Variants in CACNA1B observed in about 807,000 individuals in gnomAD.
CACNA1B encodes the protein calcium voltage-gated channel subunit alpha1 B.
A neutral mutation model predicts 247.2 loss-of-function variants in CACNA1B; 70 were observed. The ratio of observed to expected loss-of-function variants is 0.28; its 90% CI spans 0.23 to 0.35. The LOEUF is 0.35. Among genes scored for constraint, CACNA1B ranks in the 10% least tolerant of loss-of-function variants. CACNA1B has a pLI of 1.00. For synonymous variants in CACNA1B, 1,231 were observed against 1,294.4 expected, an observed-to-expected ratio of 0.95 and a Z score of 1.05; for missense variants, 2,367 against 3,197.4, an observed-to-expected ratio of 0.74 and a Z score of 6.26.
chr9:138,080,426 T>C (rs1412687647), intron 36 of CACNA1B, among the ~76,000 whole-genome samples: 1 of 152,120 alleles, frequency 6.6e-6, no homozygotes. Context: ...TCGGTAAACA[T>C]CATTGCCGTC....
At chr9:138,055,020 A>G (rs1016320435) in intron 26 of CACNA1B, among the ~76,000 whole-genome samples, 2 of 152,144 alleles carry the variant, frequency 1.3e-5, no homozygotes, top group African/African-American at 2.4e-5. Flanking sequence ...TGTTCTGGAC[A>G]GGAACCCTTT....
chr9:138,110,468 C>T (rs1233803839), intron 39 of CACNA1B, among the ~76,000 whole-genome samples: 1 of 152,014 alleles, frequency 6.6e-6, no homozygotes, highest in Non-Finnish European at 1.5e-5. Flanking sequence ...ACCTGCAATC[C>T]CAGCTTTGAT....
At chr9:137,897,439 G>A (rs1957185048) in intron 3 of CACNA1B, among the ~76,000 whole-genome samples, 1 of 151,956 alleles carries the variant, frequency 6.6e-6, no homozygotes. Context: ...AATTAGCCAG[G>A]CGTGGTGACG....
intron 39 of CACNA1B, among the ~76,000 whole-genome samples, chr9:138,110,754 T>A (rs940582323): frequency 6.6e-6 from 1 of 151,894 alleles, no homozygotes; most frequent in African/African-American, 2.4e-5. Context: ...AAAACCAGAA[T>A]GAAAAGACAA....
rs957894543 is a variant in CACNA1B, at chr9:137,952,467, C to A, written c.1070+90C>A. 1 of 1,095,446 alleles carries A rather than the reference C, an allele frequency of 9.1e-7. No individual in the cohort carries two copies. The highest frequency in any genetic ancestry group is 1.4e-6 in the Non-Finnish European group (1 of 721,314). The allele number at this position is 1,095,446 out of a possible 1,614,324, so 67.9% of individuals were successfully genotyped here. A position where few individuals can be genotyped will look rare whatever the true frequency, so the allele number is the denominator to read the frequency against. The stretch of plus-strand genomic sequence containing the variant: ...GCACGTGTGACACTTGGGGTGGGGG[C>A]CTGGCCCATGGGTGCCCTCTGTGGT... On this transcript the variant is annotated intron_variant, in intron 7 of 46. Coordinates refer to ENST00000371372, the MANE Select transcript of CACNA1B (RefSeq NM_000718.4). The surrounding 1 kb of genome is among the most constrained non-coding windows in gnomAD (Gnocchi z 4.8).
rs2133368979 is a variant in CACNA1B, at chr9:137,974,339, A to G, written c.1544-1568A>G. ...GGGGGCTCTCGGCTTCTCCAGGGAC[A>G]CTGCTTGGCCTTGTTATCATCCCAT... On this transcript the variant is annotated intron_variant, in intron 11 of 46. Coordinates refer to ENST00000371372, the MANE Select transcript of CACNA1B (RefSeq NM_000718.4). This position sits in a 1 kb window ranked among gnomAD's most constrained non-coding sequence, Gnocchi z 4.5. 6.6e-6 allele frequency among the ~76,000 whole-genome samples: 1 copy of G among 152,222 alleles called. No homozygotes were observed. The highest frequency in any genetic ancestry group is 6.5e-5 in the Admixed American group (1 of 15,294).
At chr9:137,892,173 A>G (rs899628775) in intron 3 of CACNA1B, 7 of 456,686 alleles carry the variant, frequency 1.5e-5, no homozygotes, top group Non-Finnish European at 2.6e-5. Flanking sequence ...ACGACTGGAC[A>G]CTGGTCTGCT....
chr9:137,926,157 C>A lies in CACNA1B; in HGVS notation c.966+8726C>A, dbSNP rs150690127. Among the ~76,000 whole-genome samples the A allele has an allele frequency of 5.7e-3, 861 of 149,886 alleles. 10 individuals are homozygous for A. Among genetic ancestry groups the A allele is most frequent in the Non-Finnish European group, 8.3e-3 (560 of 67,690 alleles). On this transcript the variant is annotated intron_variant, in intron 6 of 46. Coordinates refer to ENST00000371372, the MANE Select transcript of CACNA1B (RefSeq NM_000718.4). ...TATCTTGGCTCACTTGCAAGCTCTG[C>A]CCCCTGGATTCAAGCGATTCTCCTG...
Position 138,121,441 on chromosome 9 carries a change from T to G in CACNA1B, c.6490-28T>G. On this transcript the variant is annotated intron_variant, in intron 46 of 46. Transcript: ENST00000371372. The surrounding 1 kb of genome is among the most constrained non-coding windows in gnomAD (Gnocchi z 6.8). ...GCTTTTTTTTTTTTTTTTTTACCTC[T>G]GATTTGTTCTGGTCCATTTTCATGT... 4.1e-6 allele frequency: 5 copies of G among 1,220,176 alleles called. No individual in the cohort carries two copies. The highest frequency in any genetic ancestry group is 5.6e-6 in the Non-Finnish European group (5 of 896,588). The allele number at this position is 1,220,176 out of a possible 1,614,324, so 75.6% of individuals were successfully genotyped here.
At chr9:138,096,396 C>T (rs1276013726) in intron 36 of CACNA1B, 88 bp from the exon 37 acceptor site, 1 of 1,123,378 alleles carries the variant, frequency 8.9e-7, no homozygotes, top group African/African-American at 1.5e-5. Flanking sequence ...ATCCTGAGAG[C>T]TTCACACACA....
intron 20 of CACNA1B, among the ~76,000 whole-genome samples, chr9:138,029,380 C>G (rs769634673): frequency 9.9e-5 from 15 of 152,086 alleles, no homozygotes; most frequent in Non-Finnish European, 1.9e-4. Flanking sequence ...AGGACAGTTC[C>G]TTTGTAATAC....
chr9:137,992,728 T>C (rs895362964), intron 15 of CACNA1B, among the ~76,000 whole-genome samples: 7 of 149,856 alleles, frequency 4.7e-5, no homozygotes, highest in African/African-American at 1.7e-4. Flanking sequence ...AATCTAAATT[T>C]GGAGCTTGCA....
At chr9:137,937,997 A>C (rs547091058) in intron 6 of CACNA1B, among the ~76,000 whole-genome samples, 1 of 150,216 alleles carries the variant, frequency 6.7e-6, no homozygotes, top group Non-Finnish European at 1.5e-5. Flanking sequence ...AAAGACTCTT[A>C]AGAGCTATGA....
chr9:138,007,579 C>T lies in CACNA1B; in HGVS notation c.2092+695C>T, dbSNP rs1272478024. 1.3e-5 allele frequency among the ~76,000 whole-genome samples: 2 copies of T among 152,134 alleles called. No homozygotes were observed. Among genetic ancestry groups the T allele is most frequent in the Admixed American group, 6.5e-5 (1 of 15,282 alleles). Reference sequence around the variant, plus strand: ...TAGAAGTGTCTTTGGTTCTCAAACTCATCTGGGCATCACAGTCCCCTGAGG... The same window carrying T: ...TAGAAGTGTCTTTGGTTCTCAAACTTATCTGGGCATCACAGTCCCCTGAGG... On this transcript the variant is annotated intron_variant, in intron 16 of 46. Transcript: ENST00000371372. This position sits in a 1 kb window ranked among gnomAD's most constrained non-coding sequence, Gnocchi z 4.1.
chr9:138,052,250 G>A lies in CACNA1B; in HGVS notation c.3807+62G>A, dbSNP rs1037171049. 1.1e-4 allele frequency: 67 copies of A among 603,748 alleles called. No homozygotes were observed. Among genetic ancestry groups the A allele is most frequent in the South Asian group, 3.2e-4 (17 of 52,816 alleles). 37.4% of individuals were successfully genotyped at this position (603,748 alleles called of 1,614,324 possible). Reference sequence around the variant, plus strand: ...TGTGTGTGTGCGTGTGTGTGTGTGCGTGTGTGTGTGTGTATGCATGCAGTG... The same window carrying A: ...TGTGTGTGTGCGTGTGTGTGTGTGCATGTGTGTGTGTGTATGCATGCAGTG... On this transcript the variant is annotated intron_variant, in intron 25 of 46. Coordinates refer to ENST00000371372, the MANE Select transcript of CACNA1B (RefSeq NM_000718.4). The surrounding 1 kb of genome is among the most constrained non-coding windows in gnomAD (Gnocchi z 5.1).
chr9:137,955,044 A>G lies in CACNA1B; in HGVS notation c.1071-654A>G, dbSNP rs1191426571. Among the ~76,000 whole-genome samples, 2 of 152,038 alleles carry G rather than the reference A, an allele frequency of 1.3e-5. No individual in the cohort carries two copies. Among genetic ancestry groups the G allele is most frequent in the Non-Finnish European group, 2.9e-5 (2 of 68,000 alleles). On this transcript the variant is annotated intron_variant, in intron 7 of 46. Transcript: ENST00000371372. The surrounding 1 kb of genome is among the most constrained non-coding windows in gnomAD (Gnocchi z 6.9). ...GTCACCATGACGGCTGTGAAGGCTCAGGCGGGGCTGGGGTGAGATGTCGGG... is the reference window on the plus strand; with the variant it reads ...GTCACCATGACGGCTGTGAAGGCTCGGGCGGGGCTGGGGTGAGATGTCGGG...
At chr9:138,039,849 A>G (rs757928325) in intron 20 of CACNA1B, among the ~76,000 whole-genome samples, 1 of 152,056 alleles carries the variant, frequency 6.6e-6, no homozygotes, top group Non-Finnish European at 1.5e-5. Flanking sequence ...TTATATTTGT[A>G]TGCTAAATCA....
At chr9:138,075,737 G>T (rs941099303) in intron 34 of CACNA1B, 82 bp from the exon 35 acceptor site, 9 of 865,344 alleles carry the variant, frequency 1.0e-5, no homozygotes, top group Non-Finnish European at 1.5e-5. Flanking sequence ...TGTACGGCTC[G>T]CACGCCCTCT....
chr9:138,077,151 A>G (rs1382624142), intron 35 of CACNA1B, among the ~76,000 whole-genome samples: 2 of 152,216 alleles, frequency 1.3e-5, no homozygotes, highest in African/African-American at 4.8e-5. Context: ...AGGTTGAAGC[A>G]GCAGCCCTGC....
Sources: allele counts gnomAD v4.1 joint callset (sites outside exome capture counted in the v4.1 genomes callset), GRCh38; gene constraint gnomAD v4.1.1; non-coding constraint Gnocchi (gnomAD v3.1); transcripts MANE v1.5; gene names NCBI Gene and HGNC (gene_info 2026-07-23, HGNC 2026-07-21).